The following KIAA1217 variants were observed in gnomAD, a reference collection of about 807,000 sequenced individuals.
The protein encoded by KIAA1217 is sickle tail protein homolog.
A neutral mutation model predicts 163.9 loss-of-function variants in KIAA1217; 88 were observed. The observed-to-expected ratio is 0.54, with a 90% CI of 0.45 to 0.64. KIAA1217 has a LOEUF of 0.64. Ranked by LOEUF, KIAA1217 falls within the 30% of genes least tolerant of loss-of-function variation. The pLI, the probability that KIAA1217 is intolerant of heterozygous loss-of-function variation, is 0.00. For synonymous variants in KIAA1217, 903 were observed against 923.1 expected (o/e 0.98, Z 0.39); for missense variants, 2,372 against 2,475.0 (o/e 0.96, Z 0.88).
chr10:24,269,248 C>T (rs943861851), intron 2 of KIAA1217, among the ~76,000 whole-genome samples: 21 of 147,636 alleles, frequency 1.4e-4, no homozygotes, highest in South Asian at 4.3e-4. Context: ...TGTGGCCTGG[C>T]GCAGTGGTTC....
At chr10:23,708,855 G>C (rs994115916) in intron 1 of KIAA1217, among the ~76,000 whole-genome samples, 1 of 152,178 alleles carries the variant, frequency 6.6e-6, no homozygotes, top group African/African-American at 2.4e-5. Context: ...GTGGAGAGTT[G>C]AGGTAGGAGT....
intron 1 of KIAA1217, among the ~76,000 whole-genome samples, chr10:23,763,871 A>C (rs1834384540): frequency 6.6e-6 from 1 of 152,186 alleles, no homozygotes; most frequent in East Asian, 1.9e-4. Context: ...AAAACCCACT[A>C]AAATAAGTAA....
chr10:24,368,201 G>A (rs2051056227), intron 2 of KIAA1217, among the ~76,000 whole-genome samples: 1 of 152,038 alleles, frequency 6.6e-6, no homozygotes, highest in Non-Finnish European at 1.5e-5. Flanking sequence ...CAAAATAGAG[G>A]CATCTTTATT....
At position 23,747,759 on chromosome 10, in the gene KIAA1217, T is replaced by C. The variant is rs539017278; in HGVS notation, c.-321+52525T>C. Among the ~76,000 whole-genome samples the C allele has an allele frequency of 3.5e-3, 527 of 152,308 alleles. 6 individuals are homozygous for C. Among genetic ancestry groups the C allele is most frequent in the African/African-American group, 0.012 (518 of 41,560 alleles). On this transcript the variant is annotated intron_variant, in intron 1 of 18. Coordinates refer to the KIAA1217 transcript ENST00000376462. ...CCCAATCTAGAACTGGCTGGCCTCT[T>C]TGCAAAAGGCCCAGCTTCTTGCTGA...
chr10:24,277,589 A>G (rs2077450843), intron 2 of KIAA1217, among the ~76,000 whole-genome samples: 1 of 152,212 alleles, frequency 6.6e-6, no homozygotes, highest in African/African-American at 2.4e-5. Flanking sequence ...TGCTATTTTC[A>G]TAATAGTGAG....
At chr10:23,929,187 T>C (rs1362617674) in intron 1 of KIAA1217, among the ~76,000 whole-genome samples, 1 of 152,188 alleles carries the variant, frequency 6.6e-6, no homozygotes, top group East Asian at 1.9e-4. Context: ...ATGAAGTAAA[T>C]TGTAAAACAC....
intron 3 of KIAA1217, among the ~76,000 whole-genome samples, chr10:24,410,025 C>T (rs1409013146): frequency 2.6e-5 from 3 of 117,290 alleles, no homozygotes; most frequent in Admixed American, 1.1e-4. Flanking sequence ...GAGACAGGGT[C>T]TCATTCTGTC....
chr10:24,438,762 C>T (rs571651457), intron 5 of KIAA1217, among the ~76,000 whole-genome samples: 1 of 152,282 alleles, frequency 6.6e-6, no homozygotes, highest in South Asian at 2.1e-4. Flanking sequence ...ATAAAAGGGT[C>T]CCTGGTCCAC....
chr10:24,240,203 A>C (rs1225915190), intron 2 of KIAA1217, among the ~76,000 whole-genome samples: 1 of 152,168 alleles, frequency 6.6e-6, no homozygotes, highest in Non-Finnish European at 1.5e-5. Flanking sequence ...GTTAGTTCAG[A>C]GGCATCAGTT....
intron 1 of KIAA1217, among the ~76,000 whole-genome samples, chr10:23,977,526 A>T (rs1056835432): frequency 5.3e-5 from 8 of 152,146 alleles, no homozygotes; most frequent in African/African-American, 1.9e-4. Flanking sequence ...AAGAAAGGGG[A>T]AAGTAACAAG....
intron 2 of KIAA1217, among the ~76,000 whole-genome samples, chr10:24,098,649 A>G (rs1001792602): frequency 2.0e-5 from 3 of 151,922 alleles, no homozygotes; most frequent in African/African-American, 7.3e-5. Context: ...GGTAAATTTC[A>G]TAGGCTGTTA....
chr10:23,889,001 C>T (rs1470369424), intron 1 of KIAA1217, among the ~76,000 whole-genome samples: 2 of 151,782 alleles, frequency 1.3e-5, no homozygotes, highest in African/African-American at 4.8e-5. Flanking sequence ...TGAGAGCCAT[C>T]CATTTGTGGC....
intron 2 of KIAA1217, among the ~76,000 whole-genome samples, chr10:24,154,253 G>A (rs972170242): frequency 6.6e-5 from 10 of 151,756 alleles, no homozygotes; most frequent in African/African-American, 1.9e-4. Flanking sequence ...CACCCCGCCC[G>A]GCCAAAAAAT....
chr10:23,706,476 C>G (rs1162863556), intron 1 of KIAA1217, among the ~76,000 whole-genome samples: 2 of 152,086 alleles, frequency 1.3e-5, no homozygotes, highest in African/African-American at 4.8e-5. Context: ...GTGTTTCTAT[C>G]ATGAAATGGT....
At chr10:24,511,172 A>AAAAAAAAGG (rs1554918365) in intron 9 of KIAA1217, among the ~76,000 whole-genome samples, 1 of 115,698 alleles carries the variant, frequency 8.6e-6, no homozygotes, top group African/African-American at 3.7e-5. Context: ...AAAAAAAAAA[A>AAAAAAAAGG]AGGAGCCTGG....
chr10:24,245,273 T>C (rs1302783164), intron 2 of KIAA1217, among the ~76,000 whole-genome samples: 1 of 152,210 alleles, frequency 6.6e-6, no homozygotes, highest in Non-Finnish European at 1.5e-5. Context: ...ATGATCATGC[T>C]GGTCCCGTCG....
intron 2 of KIAA1217, among the ~76,000 whole-genome samples, chr10:24,174,018 T>C (rs981791723): frequency 6.6e-6 from 1 of 152,200 alleles, no homozygotes; most frequent in Non-Finnish European, 1.5e-5. Context: ...TCTTCCATCA[T>C]GGAAATGCAC....
At chr10:24,217,685 A>C (rs1269762812) in intron 1 of KIAA1217, among the ~76,000 whole-genome samples, 1 of 152,202 alleles carries the variant, frequency 6.6e-6, no homozygotes, top group Non-Finnish European at 1.5e-5. Flanking sequence ...TAGACTCTTA[A>C]CACCTGTTGC....
intron 1 of KIAA1217, among the ~76,000 whole-genome samples, chr10:23,872,772 T>C (rs1314924529): frequency 3.3e-5 from 5 of 152,046 alleles, no homozygotes; most frequent in Non-Finnish European, 2.9e-5. Flanking sequence ...TGACAGTAAC[T>C]CAGTGAACAG....
Sources: allele counts gnomAD v4.1 joint callset (sites outside exome capture counted in the v4.1 genomes callset), GRCh38; gene constraint gnomAD v4.1.1; transcripts MANE v1.5; gene names NCBI Gene and HGNC (gene_info 2026-07-23, HGNC 2026-07-21).